The following KCTD2 variants were observed in gnomAD, a reference collection of about 807,000 sequenced individuals.
KCTD2 encodes the protein BTB/POZ domain-containing protein KCTD2.
Under a neutral mutation model 27.9 loss-of-function variants are expected in KCTD2, and 18 were observed. The ratio of observed to expected loss-of-function variants is 0.64; its 90% CI spans 0.45 to 0.96. The LOEUF (loss-of-function observed/expected upper bound fraction) is 0.96, where lower values mean the gene tolerates loss of function less well. Among genes scored for constraint, KCTD2 ranks in the 40% least tolerant of loss-of-function variants. KCTD2 has a pLI of 0.00. For synonymous variants in KCTD2, 175 were observed against 148.4 expected, an observed-to-expected ratio of 1.18 and a Z score of -1.30; for missense variants, 280 against 348.0, an observed-to-expected ratio of 0.80 and a Z score of 1.56.
intron 3 of KCTD2, among the ~76,000 whole-genome samples, chr17:75,037,421 A>G (rs1215668563): frequency 1.3e-5 from 2 of 151,910 alleles, no homozygotes; most frequent in African/African-American, 4.8e-5. Context: ...CTTTTCCTAC[A>G]GGATTTAAGC....
chr17:75,039,956 T>C (rs950001093), intron 3 of KCTD2: 23 of 887,002 alleles, frequency 2.6e-5, no homozygotes, highest in Non-Finnish European at 3.4e-5. Flanking sequence ...GTCCATGTTG[T>C]TGCATTTATT....
At position 75,047,587 on chromosome 17, in the gene KCTD2, A is replaced by T; in HGVS notation, c.337A>T (p.Lys113Ter). ...CQEDPELDSDKDETGAYLIDR... is the reference protein window; with the variant it reads ...CQEDPELDSD ...GGAGGACCCGGAGCTGGACTCAGAC[A>T]AGGTGTGCCCCGCCCTCGGGCGCGC... The change falls in exon 1 of 6, where the codon AAG becomes TAG. Residue 113 changes from lysine to a stop codon, truncating the protein, a stop_gained and splice_region_variant. Coordinates refer to ENST00000322444, the MANE Select transcript of KCTD2 (RefSeq NM_015353.3). LOFTEE classifies it high-confidence loss of function. The T allele has an allele frequency of 6.2e-7, 1 of 1,607,310 alleles. No homozygotes were observed. The highest frequency in any genetic ancestry group is 8.5e-7 in the Non-Finnish European group (1 of 1,177,236).
Position 75,062,183 on chromosome 17 carries a change from G to T in KCTD2, c.700G>T (p.Val234Phe). ...GGATCAGGCAGAATTCCTCTGTGTT[G>T]TCTCCAGAGAACTAAATAATTCTAC... ...NEDQAEFLCV[V>F]SRELNNSTNG... The change falls in exon 5 of 6, where the codon GTC (valine) becomes TTC (phenylalanine). Residue 234 changes from valine to phenylalanine, a missense_variant. By Grantham distance (50) the Val-to-Phe change is conservative. Coordinates refer to ENST00000322444, the MANE Select transcript of KCTD2 (RefSeq NM_015353.3). 6.2e-7 allele frequency: 1 copy of T among 1,613,856 alleles called. No homozygotes were observed.
upstream of KCTD2, chr17:75,042,630 AGCAAGTTTTC>A: frequency 6.2e-7 from 1 of 1,610,852 alleles, no homozygotes; most frequent in Non-Finnish European, 8.5e-7. Flanking sequence ...TGGTTTTTAG[AGCAAGTTTTC>A]GCCCAGCCAT....
chr17:75,060,362 G>A (rs2073391722), intron 4 of KCTD2: 1 of 1,350,062 alleles, frequency 7.4e-7, no homozygotes, highest in Non-Finnish European at 1.0e-6. Flanking sequence ...TGTAGTCCTT[G>A]ATATTTCTAT....
At chr17:75,042,193 G>A in intron 3 of KCTD2, 2 of 1,613,950 alleles carry the variant, frequency 1.2e-6, no homozygotes, top group Non-Finnish European at 1.7e-6. Context: ...TCTTCTCAAA[G>A]TCATCCACCA....
intron 5 of KCTD2, among the ~76,000 whole-genome samples, 182 bp from the exon 6 acceptor site, chr17:75,062,836 T>A (rs1223139378): frequency 6.6e-6 from 1 of 152,126 alleles, no homozygotes; most frequent in East Asian, 1.9e-4. Flanking sequence ...TAGACCCAGC[T>A]GTGCCCAGCA....
chr17:75,057,736 T>G (rs2073363865), intron 3 of KCTD2, among the ~76,000 whole-genome samples: 1 of 151,830 alleles, frequency 6.6e-6, no homozygotes, highest in Non-Finnish European at 1.5e-5. Flanking sequence ...ATTTTTTGTG[T>G]TTTTAGTAGA....
rs2073439629 is a variant in KCTD2 at position 75,064,697 on chromosome 17, A to C, written c.*1650A>C. The C allele has an allele frequency of 6.6e-6, 1 of 152,170 alleles. No homozygotes were observed. Among genetic ancestry groups the C allele is most frequent in the African/African-American group, 2.4e-5 (1 of 41,424 alleles). 9.4% of individuals were successfully genotyped at this position (152,170 alleles called of 1,614,324 possible). On this transcript the variant is annotated 3_prime_UTR_variant, in exon 6 of 6. Transcript: ENST00000322444. ...CTATGCGCCACATTTTACAGCTGTAAAGTGTTAGATGAACTGCCGTCCTCA... is the reference window on the plus strand; with the variant it reads ...CTATGCGCCACATTTTACAGCTGTACAGTGTTAGATGAACTGCCGTCCTCA...
At chr17:75,042,708 T>C (rs2073173412), upstream of KCTD2, 1 of 1,546,834 alleles carries the variant, frequency 6.5e-7, no homozygotes, top group Non-Finnish European at 8.7e-7. Context: ...AGGTGAATTT[T>C]CAGTTGGGAA....
At chr17:75,058,723 G>A (rs1028481032) in intron 3 of KCTD2, among the ~76,000 whole-genome samples, 16 of 151,348 alleles carry the variant, frequency 1.1e-4, no homozygotes, top group South Asian at 4.2e-4. Context: ...CGCTTGAACC[G>A]GGGAGGCGGA....
At chr17:75,042,694 T>C (rs1270802618), upstream of KCTD2, 1 of 1,579,614 alleles carries the variant, frequency 6.3e-7, no homozygotes, top group Non-Finnish European at 8.6e-7. Flanking sequence ...AAGGCTTTTT[T>C]ATGAGGTGAA....
At chr17:75,036,253 G>A (rs1373174496) in intron 3 of KCTD2, among the ~76,000 whole-genome samples, 1 of 151,738 alleles carries the variant, frequency 6.6e-6, no homozygotes, top group African/African-American at 2.4e-5. Flanking sequence ...AGACAAACAA[G>A]CTGGGGCTAC....
At chr17:75,050,663 A>G (rs1256242954) in intron 2 of KCTD2, among the ~76,000 whole-genome samples, 2 of 152,214 alleles carry the variant, frequency 1.3e-5, no homozygotes, top group East Asian at 1.9e-4. Flanking sequence ...CAAAAATTCA[A>G]TTACCCTCTT....
At chr17:75,039,175 C>T (rs1325784410) in intron 3 of KCTD2, 4 of 1,613,358 alleles carry the variant, frequency 2.5e-6, no homozygotes, top group Non-Finnish European at 3.4e-6. Flanking sequence ...AGAGAGAACC[C>T]ATATTATAGG....
At chr17:75,062,761 T>A (rs531885681) in intron 5 of KCTD2, among the ~76,000 whole-genome samples, 1 of 126,984 alleles carries the variant, frequency 7.9e-6, no homozygotes, top group South Asian at 2.9e-4. Flanking sequence ...AAATCGTGGA[T>A]ACCAGGTAAG....
At chr17:75,040,004 T>C (rs2073142343) in intron 3 of KCTD2, 2 of 1,402,574 alleles carry the variant, frequency 1.4e-6, no homozygotes, top group Non-Finnish European at 2.0e-6. Flanking sequence ...AACTCTTCCA[T>C]TTAATTCACT....
intron 2 of KCTD2, chr17:75,034,124 T>C (rs1312001622): frequency 6.6e-6 from 1 of 152,194 alleles, no homozygotes; most frequent in African/African-American, 2.4e-5. Context: ...GCCGGTAAGC[T>C]CGGGTCTTGC....
At chr17:75,055,960 A>G (rs2073346296) in intron 3 of KCTD2, among the ~76,000 whole-genome samples, 1 of 151,804 alleles carries the variant, frequency 6.6e-6, no homozygotes, top group African/African-American at 2.4e-5. Context: ...GAACTAAGAT[A>G]GCAGAGGTTG....
Sources: gnomAD v4.1 joint callset for allele counts (sites outside exome capture counted in the v4.1 genomes callset) on GRCh38, gnomAD v4.1.1 for gene constraint, MANE v1.5 for transcripts, NCBI Gene and HGNC (gene_info 2026-07-23, HGNC 2026-07-21) for gene names.